Variants in USP54 observed in about 807,000 individuals in gnomAD.
USP54 encodes the protein ubiquitin specific peptidase 54.
In USP54, 87 loss-of-function variants were observed where a neutral mutation model predicts 170.5. The ratio of observed to expected loss-of-function variants is 0.51; its 90% CI spans 0.43 to 0.61. USP54 has a LOEUF of 0.61. Ranked by LOEUF, USP54 falls within the 20% of genes least tolerant of loss-of-function variation. The probability of loss-of-function intolerance (pLI) is 0.00; values close to 1 mark genes in which losing one functional copy is unlikely to be tolerated. For missense variants in USP54, 1,786 were observed against 2,047.8 expected (o/e 0.87, Z 2.47); for synonymous variants, 655 against 742.8 (o/e 0.88, Z 1.92).
chr10:73,542,792 G>A lies in USP54; in HGVS notation c.572+11C>T. ...GCCTAAACGCACAACAGAAAATCTT[G>A]TAAGACTCACCAAAGGGAAGTGGTG... is the stretch of plus-strand genomic sequence containing the variant. On this transcript the variant is annotated intron_variant, in intron 7 of 23. Transcript: ENST00000687698. The A allele has an allele frequency of 6.2e-7, 1 of 1,610,432 alleles. No individual in the cohort carries two copies. The highest frequency in any genetic ancestry group is 8.5e-7 in the Non-Finnish European group (1 of 1,177,610).
At chr10:73,600,576 C>T (rs929286464) in intron 1 of USP54, among the ~76,000 whole-genome samples, 3 of 152,084 alleles carry the variant, frequency 2.0e-5, no homozygotes, top group Non-Finnish European at 4.4e-5. Context: ...ACAATTGGGG[C>T]CTACTTGAGG....
chr10:73,539,619 G>T (rs1312240998), intron 9 of USP54, 26 bp from the exon 10 acceptor site: 1 of 1,560,960 alleles, frequency 6.4e-7, no homozygotes, highest in Non-Finnish European at 8.7e-7. Context: ...AGAAAAGAAA[G>T]CACAGTCACA....
intron 15 of USP54, among the ~76,000 whole-genome samples, chr10:73,528,093 G>A (rs1232108902): frequency 6.6e-6 from 1 of 151,806 alleles, no homozygotes; most frequent in Non-Finnish European, 1.5e-5. Context: ...GCGCCACCAT[G>A]CCCAGCTAAT....
rs372513937 is a variant in USP54 at position 73,536,366 on chromosome 10, A to G, written c.1047T>C (p.Tyr349=). ...KGHYQPLLLL[Y]ADPQGTPVST... is the part of the protein sequence containing the mutation. The stretch of plus-strand genomic sequence containing the variant: ...AAACTGGGGTACCCTGGGGATCTGC[A>G]TAAAGCAGCAGCAGGGGCTGATAAT... The change falls in exon 11 of 24, where the codon TAT becomes TAC. Residue 349 remains tyrosine (Y), a synonymous_variant. Transcript: ENST00000687698. The G allele has an allele frequency of 5.0e-5, 81 of 1,612,086 alleles. No individual in the cohort carries two copies. The highest frequency in any genetic ancestry group is 5.9e-5 in the Non-Finnish European group (69 of 1,179,054).
At chr10:73,515,700 A>G (rs2060946846) in intron 20 of USP54, 1 of 152,158 alleles carries the variant, frequency 6.6e-6, no homozygotes. Context: ...ATTCTAAGCC[A>G]TAGAAGAATA....
At chr10:73,529,558 G>A in intron 15 of USP54, 122 bp downstream of exon 15, 1 of 1,089,218 alleles carries the variant, frequency 9.2e-7, no homozygotes, top group Non-Finnish European at 1.4e-6. Flanking sequence ...GAAGTTGAAA[G>A]AGCACATAGA....
intron 18 of USP54, 68 bp from the exon 19 acceptor site, chr10:73,520,060 T>C (rs1017210027): frequency 3.7e-5 from 57 of 1,524,032 alleles, no homozygotes; most frequent in Middle Eastern, 3.7e-4. Flanking sequence ...AAGAATAAAA[T>C]TGAAAAAAAA....
chr10:73,600,242 C>T (rs1469139197), intron 1 of USP54, among the ~76,000 whole-genome samples: 1 of 152,050 alleles, frequency 6.6e-6, no homozygotes, highest in African/African-American at 2.4e-5. Flanking sequence ...TAATACAGAA[C>T]TTCTCAGGAT....
chr10:73,545,267 G>A (rs1047806655), intron 5 of USP54, among the ~76,000 whole-genome samples: 6 of 152,136 alleles, frequency 3.9e-5, no homozygotes, highest in Non-Finnish European at 7.3e-5. Context: ...AGCTCTGGGG[G>A]TACAATCTGT....
intron 5 of USP54, among the ~76,000 whole-genome samples, chr10:73,543,985 C>T (rs913703910): frequency 1.3e-5 from 2 of 151,858 alleles, no homozygotes; most frequent in African/African-American, 4.8e-5. Context: ...CTCTGTCGCC[C>T]AGGCAGGAGT....
chr10:73,566,926 G>T (rs529377401), intron 4 of USP54, among the ~76,000 whole-genome samples: 49 of 151,924 alleles, frequency 3.2e-4, no homozygotes, highest in African/African-American at 1.1e-3. Context: ...ACCCAGGCTG[G>T]AGTGCAGTGG....
At chr10:73,601,515 T>C (rs74778225) in intron 1 of USP54, among the ~76,000 whole-genome samples, 1 of 149,744 alleles carries the variant, frequency 6.7e-6, no homozygotes, top group Non-Finnish European at 1.5e-5. Context: ...TTTTTTTTTT[T>C]CCTTTTTGCT....
At position 73,530,184 on chromosome 10, in the gene USP54, T is replaced by A; in HGVS notation, c.1787A>T (p.His596Leu). ...GGGGCTAAGCTGGGTATAGCCACAGTGCTTCCTTTTGTCCTTACTAAAGAT... is the reference window on the plus strand; with the variant it reads ...GGGGCTAAGCTGGGTATAGCCACAGAGCTTCCTTTTGTCCTTACTAAAGAT... ...DSIFSKDKRK[H>L]CGYTQLSPFS... The change falls in exon 14 of 24, where the codon CAC becomes CTC. Residue 596 changes from histidine (H) to leucine (L), a missense_variant. Transcript: ENST00000687698. The A allele has an allele frequency of 6.2e-7, 1 of 1,613,916 alleles. No individual in the cohort carries two copies. The highest frequency in any genetic ancestry group is 2.2e-5 in the East Asian group (1 of 44,888).
chr10:73,587,969 T>C (rs999892295), intron 1 of USP54, among the ~76,000 whole-genome samples: 3 of 152,120 alleles, frequency 2.0e-5, no homozygotes, highest in African/African-American at 7.2e-5. Context: ...GCAGAATACT[T>C]AGGGCCAGGT....
intron 20 of USP54, chr10:73,507,029 A>G (rs1195840592): frequency 6.6e-6 from 1 of 152,154 alleles, no homozygotes; most frequent in African/African-American, 2.4e-5. Context: ...AATACCAGAT[A>G]TTGTCCAGCC....
intron 20 of USP54, among the ~76,000 whole-genome samples, chr10:73,511,207 T>C (rs1352845337): frequency 6.6e-6 from 1 of 150,812 alleles, no homozygotes; most frequent in Non-Finnish European, 1.5e-5. Context: ...CAAACGATTC[T>C]CCCACCTCAA....
chr10:73,593,622 A>C (rs75962681), upstream of USP54, among the ~76,000 whole-genome samples: 3,118 of 152,310 alleles, frequency 0.02, 96 homozygotes, highest in African/African-American at 0.072. Context: ...GGAATATGTA[A>C]CACCACAATA....
chr10:73,607,401 G>A (rs1178770100), intron 1 of USP54, among the ~76,000 whole-genome samples: 3 of 151,614 alleles, frequency 2.0e-5, no homozygotes, highest in Admixed American at 6.6e-5. Flanking sequence ...TACAAAGGAT[G>A]GTAGCTTAGA....
chr10:73,597,153 T>C (rs1438984816), intron 1 of USP54, among the ~76,000 whole-genome samples: 1 of 152,226 alleles, frequency 6.6e-6, no homozygotes, highest in African/African-American at 2.4e-5. Flanking sequence ...TCCTTGTTCA[T>C]TCCTGGACAT....
Sources: allele counts gnomAD v4.1 joint callset (sites outside exome capture counted in the v4.1 genomes callset), GRCh38; gene constraint gnomAD v4.1.1; transcripts MANE v1.5; gene names NCBI Gene and HGNC (gene_info 2026-07-23, HGNC 2026-07-21).